The following KCNJ2 variants were observed in gnomAD, a reference collection of about 807,000 sequenced individuals.
KCNJ2 encodes potassium inwardly rectifying channel subfamily J member 2.
In KCNJ2, 12 loss-of-function variants were observed where a neutral mutation model predicts 28.4. The ratio of observed to expected loss-of-function variants is 0.42; its 90% CI spans 0.27 to 0.68. KCNJ2 has a LOEUF of 0.68. Among genes scored for constraint, KCNJ2 ranks in the 30% least tolerant of loss-of-function variants. The pLI is 0.23. For synonymous variants in KCNJ2, 200 were observed against 203.2 expected, an observed-to-expected ratio of 0.98 and a Z score of 0.13; for missense variants, 320 against 551.3, an observed-to-expected ratio of 0.58 and a Z score of 4.20.
rs369736707 is a variant in KCNJ2 at position 70,175,000 on chromosome 17, G to A, written c.-40G>A. 4 of 1,608,334 alleles carry A rather than the reference G, an allele frequency of 2.5e-6. No homozygotes were observed. Among genetic ancestry groups the A allele is most frequent in the South Asian group, 1.1e-5 (1 of 90,740 alleles). ...AAAGCGTTTTGCAAAAACTCAGACT[G>A]TTTTCCAAAGCAGAAGCACTGGAGT... On this transcript the variant is annotated 5_prime_UTR_variant, in exon 2 of 2. Coordinates refer to ENST00000243457, the MANE Select transcript of KCNJ2 (RefSeq NM_000891.3).
chr17:70,170,701 TTG>T (rs1180151912), intron 1 of KCNJ2, among the ~76,000 whole-genome samples: 4 of 152,244 alleles, frequency 2.6e-5, no homozygotes, highest in African/African-American at 4.8e-5. Context: ...CCAACCAATG[TTG>T]TGTGTCTGCT....
chr17:70,174,531 AACAAT>A (rs2074380843), intron 1 of KCNJ2, among the ~76,000 whole-genome samples: 1 of 152,200 alleles, frequency 6.6e-6, no homozygotes. Context: ...GGTAGACCTG[AACAAT>A]AGAATATTCT....
Position 70,169,546 on chromosome 17 carries a change from C to A in KCNJ2, c.-372C>A, listed in dbSNP as rs2074353052. Reference sequence around the variant, plus strand: ...CAGGATATTGCAGAGCGCACTGGAGCCCTGGCCAGCGCGCAGCCTTCCCGG... The same window carrying A: ...CAGGATATTGCAGAGCGCACTGGAGACCTGGCCAGCGCGCAGCCTTCCCGG... On this transcript the variant is annotated 5_prime_UTR_variant, in exon 1 of 2. Coordinates refer to ENST00000243457, the MANE Select transcript of KCNJ2 (RefSeq NM_000891.3). 1 of 152,366 alleles carries A rather than the reference C, an allele frequency of 6.6e-6. No individual in the cohort carries two copies. The highest frequency in any genetic ancestry group is 2.4e-5 in the African/African-American group (1 of 41,458). 9.4% of individuals were successfully genotyped at this position (152,366 alleles called of 1,614,324 possible).
Position 70,176,352 on chromosome 17 carries a change from CTT to C in KCNJ2, c.*31_*32del. 6.3e-7 allele frequency: 1 copy of C among 1,596,382 alleles called. No individual in the cohort carries two copies. Among genetic ancestry groups the C allele is most frequent in the South Asian group, 1.1e-5 (1 of 90,732 alleles). On this transcript the variant is annotated 3_prime_UTR_variant, in exon 2 of 2. Coordinates refer to ENST00000243457, the MANE Select transcript of KCNJ2 (RefSeq NM_000891.3). ...ACTGATTCCTTCTCTGGAATAGTTA[CTT>C]TACAACACGGTCTGTTGGTCAGAGG... is the stretch of plus-strand genomic sequence containing the variant.
chr17:70,176,837 A>G lies in KCNJ2; in HGVS notation c.*514A>G, dbSNP rs1043777812. The G allele has an allele frequency of 5.7e-6, 1 of 176,158 alleles. No individual in the cohort carries two copies. The highest frequency in any genetic ancestry group is 2.4e-5 in the African/African-American group (1 of 41,634). 10.9% of individuals were successfully genotyped at this position (176,158 alleles called of 1,614,324 possible). On this transcript the variant is annotated 3_prime_UTR_variant, in exon 2 of 2. Transcript: ENST00000243457. ...GCTTCAAAGTGGCAAGTATTTGGCT[A>G]TTAACTGCCAAAACAAGAGCCTGAT...
In KCNJ2 at chr17:70,177,170, A is replaced by C. The variant is rs2074398093; in HGVS notation, c.*847A>C. The C allele has an allele frequency of 1.8e-5, 3 of 167,116 alleles. No individual in the cohort carries two copies. In the Admixed American group the frequency reaches 2.0e-4, roughly 11 times the overall value. 10.4% of individuals were successfully genotyped at this position (167,116 alleles called of 1,614,324 possible). ...ACCTTGAACCGCCGGTTCATTTTGC[A>C]CCTTATTCAGAAAATAGAGCATCAT... On this transcript the variant is annotated 3_prime_UTR_variant, in exon 2 of 2. Transcript: ENST00000243457.
At chr17:70,173,771 C>G (rs2074377067) in intron 1 of KCNJ2, among the ~76,000 whole-genome samples, 1 of 152,232 alleles carries the variant, frequency 6.6e-6, no homozygotes, top group African/African-American at 2.4e-5. Flanking sequence ...TTGTCTCTGT[C>G]TGAGAGAACA....
At chr17:70,171,574 A>G (rs2074365199) in intron 1 of KCNJ2, among the ~76,000 whole-genome samples, 1 of 152,010 alleles carries the variant, frequency 6.6e-6, no homozygotes, top group Non-Finnish European at 1.5e-5. Context: ...AGTATTACCT[A>G]TATAGTCAAA....
chr17:70,174,026 A>G (rs924834335), intron 1 of KCNJ2, among the ~76,000 whole-genome samples: 3 of 152,230 alleles, frequency 2.0e-5, no homozygotes, highest in Non-Finnish European at 2.9e-5. Context: ...GCATTTCTGC[A>G]TAGTGGTTGC....
chr17:70,170,407 A>AT (rs2074358963), intron 1 of KCNJ2, among the ~76,000 whole-genome samples: 1 of 152,202 alleles, frequency 6.6e-6, no homozygotes, highest in South Asian at 2.1e-4. Flanking sequence ...AAACGACTTG[A>AT]TTCTGCAAAA....
chr17:70,174,594 G>T (rs954888380), intron 1 of KCNJ2, among the ~76,000 whole-genome samples: 1 of 152,134 alleles, frequency 6.6e-6, no homozygotes, highest in Non-Finnish European at 1.5e-5. Context: ...CTGACATTTT[G>T]GTTGAACAAC....
chr17:70,170,541 G>A (rs1224790622), intron 1 of KCNJ2, among the ~76,000 whole-genome samples: 2 of 152,196 alleles, frequency 1.3e-5, no homozygotes, highest in African/African-American at 4.8e-5. Flanking sequence ...AAAAGGCTGT[G>A]AATTCCGACG....
chr17:70,172,547 T>C (rs2074370930), intron 1 of KCNJ2, among the ~76,000 whole-genome samples: 1 of 152,150 alleles, frequency 6.6e-6, no homozygotes, highest in South Asian at 2.1e-4. Context: ...TGTCCTGGGG[T>C]CAAGATTTTT....
Position 70,176,732 on chromosome 17 carries a change from T to C in KCNJ2, c.*409T>C, listed in dbSNP as rs1028890335. ...AAGCTGCTAACTACATGAACACAAA[T>C]GTGTATTTTTGTTGCAGTGTAGTTT... On this transcript the variant is annotated 3_prime_UTR_variant, in exon 2 of 2. Coordinates refer to ENST00000243457, the MANE Select transcript of KCNJ2 (RefSeq NM_000891.3). The C allele has an allele frequency of 8.8e-6, 2 of 226,338 alleles. No homozygotes were observed. The highest frequency in any genetic ancestry group is 1.9e-5 in the Non-Finnish European group (2 of 102,954). The allele number at this position is 226,338 out of a possible 1,614,324, so 14.0% of individuals were successfully genotyped here.
chr17:70,175,978 C>G lies in KCNJ2; in HGVS notation c.939C>G (p.Ser313Arg). ...EATAMTTQCR[S>R]SYLANEILWG... ...CTGCCATGACGACACAGTGCCGTAG[C>G]TCTTATCTAGCAAATGAAATCCTGT... Residue 313 changes from serine to arginine, a missense_variant, in exon 2 of 2, where the codon AGC becomes AGG. This residue lies in a region of KCNJ2 where 155 missense variants were observed against 231.6 expected (regional missense o/e 0.67). Coordinates refer to ENST00000243457, the MANE Select transcript of KCNJ2 (RefSeq NM_000891.3). This position sits in a 1 kb window ranked among gnomAD's most constrained non-coding sequence, Gnocchi z 8.3. 2 of 1,614,086 alleles carry G rather than the reference C, an allele frequency of 1.2e-6. No individual in the cohort carries two copies. Among genetic ancestry groups the G allele is most frequent in the Non-Finnish European group, 1.7e-6 (2 of 1,180,016 alleles).
intron 1 of KCNJ2, among the ~76,000 whole-genome samples, chr17:70,170,867 T>C (rs1267684799): frequency 6.6e-6 from 1 of 152,246 alleles, no homozygotes; most frequent in African/African-American, 2.4e-5. Flanking sequence ...CAAGGCCATT[T>C]TACTTAGCTT....
At position 70,177,410 on chromosome 17, in the gene KCNJ2, T is replaced by C. The variant is rs147797571; in HGVS notation, c.*1087T>C. 6.0e-6 allele frequency: 1 copy of C among 167,300 alleles called. No individual in the cohort carries two copies. The highest frequency in any genetic ancestry group is 2.4e-5 in the African/African-American group (1 of 41,580). 10.4% of individuals were successfully genotyped at this position (167,300 alleles called of 1,614,324 possible). Reference sequence around the variant, plus strand: ...GCTTTTCCTTTTGCACATTCCAAAATTCATTTCATAAGACAAGATCTTCAT... The same window carrying C: ...GCTTTTCCTTTTGCACATTCCAAAACTCATTTCATAAGACAAGATCTTCAT... On this transcript the variant is annotated 3_prime_UTR_variant, in exon 2 of 2. Coordinates refer to ENST00000243457, the MANE Select transcript of KCNJ2 (RefSeq NM_000891.3).
Position 70,169,659 on chromosome 17 carries a change from C to G in KCNJ2, c.-259C>G, listed in dbSNP as rs910654682. ...CTGGATCTTACATGCCTCTGTACCC[C>G]CCACTTCCACTCCATGTCCCCATGC... On this transcript the variant is annotated 5_prime_UTR_variant, in exon 1 of 2. Coordinates refer to ENST00000243457, the MANE Select transcript of KCNJ2 (RefSeq NM_000891.3). The G allele has an allele frequency of 1.3e-5, 2 of 153,230 alleles. No individual in the cohort carries two copies. Among genetic ancestry groups the G allele is most frequent in the African/African-American group, 4.8e-5 (2 of 41,482 alleles). 9.5% of individuals were successfully genotyped at this position (153,230 alleles called of 1,614,324 possible). A position where few individuals can be genotyped will look rare whatever the true frequency, so the allele number is the denominator to read the frequency against.
intron 1 of KCNJ2, among the ~76,000 whole-genome samples, chr17:70,171,448 T>C (rs984399271): frequency 6.6e-6 from 1 of 152,228 alleles, no homozygotes; most frequent in African/African-American, 2.4e-5. Context: ...TTTCTTTTGC[T>C]ATCTTTATTT....
Sources: allele counts gnomAD v4.1 joint callset (sites outside exome capture counted in the v4.1 genomes callset), GRCh38; gene constraint gnomAD v4.1.1; regional missense constraint gnomAD v4.1.1; non-coding constraint Gnocchi (gnomAD v3.1); transcripts MANE v1.5; gene names NCBI Gene and HGNC (gene_info 2026-07-23, HGNC 2026-07-21).